Variants in KANK1 observed in about 807,000 individuals in gnomAD.
KANK1 encodes the protein KN motif and ankyrin repeat domain-containing protein 1.
Under a neutral mutation model 106.2 loss-of-function variants are expected in KANK1, and 109 were observed. The ratio of observed to expected loss-of-function variants is 1.03; its 90% CI spans 0.88 to 1.20. The LOEUF is 1.20. Among genes scored for constraint, KANK1 ranks in the 50% most tolerant of loss-of-function variants. The probability of loss-of-function intolerance (pLI) is 0.00; values close to 1 mark genes in which losing one functional copy is unlikely to be tolerated. For missense variants in KANK1, 2,399 were observed against 1,710.7 expected (o/e 1.40, Z -7.10); for synonymous variants, 873 against 652.2 (o/e 1.34, Z -5.16).
At chr9:677,970 C>T (rs1489438959) in intron 2 of KANK1, among the ~76,000 whole-genome samples, 2 of 152,188 alleles carry the variant, frequency 1.3e-5, no homozygotes, top group Admixed American at 6.5e-5. Context: ...CAGAAACATA[C>T]TTAGAGGAGC....
intron 2 of KANK1, among the ~76,000 whole-genome samples, chr9:709,080 G>A (rs1825157264): frequency 1.3e-5 from 2 of 152,132 alleles, no homozygotes; most frequent in African/African-American, 4.8e-5. Flanking sequence ...TTCATTCTTT[G>A]CATCTGTTTG....
At chr9:708,755 T>G (rs1340792233) in intron 2 of KANK1, among the ~76,000 whole-genome samples, 1 of 152,150 alleles carries the variant, frequency 6.6e-6, no homozygotes, top group Non-Finnish European at 1.5e-5. Flanking sequence ...CAAGTGGGTT[T>G]GTATACTCAG....
At chr9:611,931 G>A (rs949327373) in intron 1 of KANK1, among the ~76,000 whole-genome samples, 1 of 152,148 alleles carries the variant, frequency 6.6e-6, no homozygotes, top group Admixed American at 6.5e-5. Flanking sequence ...TGTTAGCCAG[G>A]ATGGTCTCGA....
At chr9:530,438 C>G (rs1359212796) in intron 1 of KANK1, among the ~76,000 whole-genome samples, 1 of 152,070 alleles carries the variant, frequency 6.6e-6, no homozygotes, top group African/African-American at 2.4e-5. Flanking sequence ...TCCCAGATGG[C>G]TACTGGTTTT....
At chr9:514,776 A>G (rs2059206060) in intron 1 of KANK1, among the ~76,000 whole-genome samples, 3 of 151,802 alleles carry the variant, frequency 2.0e-5, no homozygotes, top group African/African-American at 7.3e-5. Context: ...TCTGGTGAAT[A>G]TAGGTACACA....
At chr9:721,285 G>A (rs62531222) in intron 3 of KANK1, among the ~76,000 whole-genome samples, 1 of 152,100 alleles carries the variant, frequency 6.6e-6, no homozygotes, top group Non-Finnish European at 1.5e-5. Flanking sequence ...TTGGGACCTC[G>A]GGAAAAGAGG....
At chr9:687,211 T>G (rs1818781477) in intron 2 of KANK1, among the ~76,000 whole-genome samples, 1 of 152,110 alleles carries the variant, frequency 6.6e-6, no homozygotes, top group East Asian at 1.9e-4. Flanking sequence ...TTTCCTTCTT[T>G]GTGTAATGGA....
rs1397354274 is a variant in KANK1 at position 550,615 on chromosome 9, C to G, written c.-84+45861C>G. Among the ~76,000 whole-genome samples, 8 of 152,266 alleles carry G rather than the reference C, an allele frequency of 5.3e-5. No homozygotes were observed. The East Asian group carries it at 9.7e-4, about 18-fold the overall frequency. ...GAGGGAGACCCTGTCTCTAATAAAA[C>G]AAAAACATTACACCATTGTCAGAAA... On this transcript the variant is annotated intron_variant, in intron 1 of 11. Coordinates refer to ENST00000382297, the MANE Select transcript of KANK1 (RefSeq NM_015158.5).
intron 1 of KANK1, among the ~76,000 whole-genome samples, chr9:528,857 TCTTATGATCACTGCTCACTGCAGC>T (rs973132083): frequency 1.3e-5 from 2 of 152,136 alleles, no homozygotes; most frequent in Non-Finnish European, 2.9e-5. Context: ...TGGAATGCAG[TCTTATGATCACTGCTCACTGCAGC>T]CTTGACCTCC....
In KANK1 at chr9:738,443, AG is replaced by A. The variant is rs1834389055; in HGVS notation, c.3493del (p.Ala1165ProfsTer14). On this transcript the variant is annotated frameshift_variant, in exon 8 of 12. Coordinates refer to ENST00000382297, the MANE Select transcript of KANK1 (RefSeq NM_015158.5). LOFTEE classifies it high-confidence loss of function. ...ACTTGGCAGACGGCAACGGCAACAC[AG>A]CCCTCCATTACAGCGTGTCCCACTC... ...INLADGNGNT[A>X]LHYSVSHSNF... 1 of 1,614,076 alleles carries A rather than the reference AG, an allele frequency of 6.2e-7. No homozygotes were observed. Among genetic ancestry groups the A allele is most frequent in the Non-Finnish European group, 8.5e-7 (1 of 1,180,044 alleles).
At chr9:648,931 G>T (rs1482767067) in intron 1 of KANK1, among the ~76,000 whole-genome samples, 1 of 152,162 alleles carries the variant, frequency 6.6e-6, no homozygotes, top group Admixed American at 6.5e-5. Context: ...GTCAATTGCA[G>T]TTCCTGGGAG....
Position 527,101 on chromosome 9 carries a change from C to G in KANK1, c.-84+22347C>G, listed in dbSNP as rs75646607. 6.7e-3 allele frequency among the ~76,000 whole-genome samples: 1,020 copies of G among 151,722 alleles called. 45 individuals are homozygous for G. Among genetic ancestry groups the G allele is most frequent in the African/African-American group, 0.024 (968 of 41,062 alleles). Reference sequence around the variant, plus strand: ...TTAAGTACCTGTCACTGACTCATTCCCAAACTGAAGCCTAACCTTCCTTTC... The same window carrying G: ...TTAAGTACCTGTCACTGACTCATTCGCAAACTGAAGCCTAACCTTCCTTTC... On this transcript the variant is annotated intron_variant, in intron 1 of 11. Coordinates refer to ENST00000382297, the MANE Select transcript of KANK1 (RefSeq NM_015158.5).
At chr9:581,161 A>G (rs765464365) in intron 1 of KANK1, among the ~76,000 whole-genome samples, 31 of 151,968 alleles carry the variant, frequency 2.0e-4, no homozygotes, top group Non-Finnish European at 4.0e-4. Flanking sequence ...CTTTCCCTCC[A>G]CATCTCCCCG....
intron 2 of KANK1, chr9:685,433 G>C (rs976815886): frequency 6.6e-5 from 10 of 152,128 alleles, no homozygotes; most frequent in Non-Finnish European, 1.5e-4. Context: ...TAGAAAAACA[G>C]AACTATAGAC....
intron 1 of KANK1, among the ~76,000 whole-genome samples, chr9:635,378 T>A (rs916445278): frequency 6.6e-6 from 1 of 152,184 alleles, no homozygotes; most frequent in Admixed American, 6.5e-5. Flanking sequence ...AGCTGGACCC[T>A]GAGGTCCTTT....
At chr9:729,256 A>T (rs928091956) in intron 3 of KANK1, among the ~76,000 whole-genome samples, 2 of 152,204 alleles carry the variant, frequency 1.3e-5, no homozygotes, top group Non-Finnish European at 2.9e-5. Context: ...TACCATCTAC[A>T]AGGGAGTCTA....
rs1012194442 is a variant in KANK1, at chr9:644,336, A to G, written c.-83-32554A>G. ...TACCTATGATTTGTGTGTATGTGCTACCCTTTTGAGAAGCATTAATTAGTC... is the reference window on the plus strand; with the variant it reads ...TACCTATGATTTGTGTGTATGTGCTGCCCTTTTGAGAAGCATTAATTAGTC... On this transcript the variant is annotated intron_variant, in intron 1 of 11. Coordinates refer to ENST00000382297, the MANE Select transcript of KANK1 (RefSeq NM_015158.5). 6.0e-5 allele frequency among the ~76,000 whole-genome samples: 9 copies of G among 150,926 alleles called. 1 individual carries two copies. The highest frequency in any genetic ancestry group is 1.0e-4 in the Non-Finnish European group (7 of 68,036).
chr9:555,147 A>G (rs189923392), intron 1 of KANK1, among the ~76,000 whole-genome samples: 2 of 152,158 alleles, frequency 1.3e-5, no homozygotes, highest in Admixed American at 6.5e-5. Flanking sequence ...CCTGGATAGT[A>G]ATAAGTGCTC....
intron 1 of KANK1, among the ~76,000 whole-genome samples, chr9:673,253 C>T (rs1404723774): frequency 7.8e-6 from 1 of 128,608 alleles, no homozygotes; most frequent in African/African-American, 2.9e-5. Context: ...CTCTGCTGTG[C>T]AGGCTGGAAT....
Sources: allele counts gnomAD v4.1 joint callset (sites outside exome capture counted in the v4.1 genomes callset), GRCh38; gene constraint gnomAD v4.1.1; transcripts MANE v1.5; gene names NCBI Gene and HGNC (gene_info 2026-07-23, HGNC 2026-07-21).